PLAAT5: variants seen among roughly 807,000 people sequenced by gnomAD.
PLAAT5 encodes the protein phospholipase A and acyltransferase 5.
A neutral mutation model predicts 27.8 loss-of-function variants in PLAAT5; 27 were observed. The observed-to-expected ratio is 0.97, with a 90% CI of 0.72 to 1.34. The LOEUF (loss-of-function observed/expected upper bound fraction) is 1.34. Among genes scored for constraint, PLAAT5 ranks in the 40% most tolerant of loss-of-function variants. The pLI, the probability that PLAAT5 is intolerant of heterozygous loss-of-function variation, is 0.00. For synonymous variants in PLAAT5, 125 were observed against 136.1 expected, an observed-to-expected ratio of 0.92 and a Z score of 0.57; for missense variants, 368 against 343.8, an observed-to-expected ratio of 1.07 and a Z score of -0.56.
intron 3 of PLAAT5, among the ~76,000 whole-genome samples, chr11:63,477,567 C>A (rs1187736278): frequency 6.6e-6 from 1 of 151,192 alleles, no homozygotes; most frequent in Non-Finnish European, 1.5e-5. Context: ...CCTCCGCCTT[C>A]CAGGTTCAAA....
At chr11:63,477,349 G>A (rs963618363) in intron 3 of PLAAT5, among the ~76,000 whole-genome samples, 10 of 152,132 alleles carry the variant, frequency 6.6e-5, no homozygotes, top group Admixed American at 2.0e-4. Context: ...CAGGGCGGAC[G>A]GTTGTTGCTG....
chr11:63,488,977 CT>C lies in PLAAT5; in HGVS notation c.240-2del. ...CTCCAAGCTAACTACAGCCTTCTCC[CT>C]AAATGATTTTGCAATCACAAAGTTA... On this transcript the variant is annotated splice_acceptor_variant, in intron 2 of 5. Coordinates refer to ENST00000540857, the MANE Select transcript of PLAAT5 (RefSeq NM_001146729.2). LOFTEE classifies it high-confidence loss of function. The C allele has an allele frequency of 6.2e-7, 1 of 1,600,672 alleles. No homozygotes were observed. The highest frequency in any genetic ancestry group is 8.5e-7 in the Non-Finnish European group (1 of 1,169,930).
At chr11:63,484,224 T>C (rs1469433376) in intron 3 of PLAAT5, among the ~76,000 whole-genome samples, 2 of 149,146 alleles carry the variant, frequency 1.3e-5, no homozygotes, top group African/African-American at 2.5e-5. Context: ...ATTCAAAGCA[T>C]TGATATCAAT....
chr11:63,483,863 C>CAA lies in PLAAT5; in HGVS notation c.345+5006_345+5007dup, dbSNP rs1461836537. ...TATATACACATATATATATATGAAA[C>CAA]AAAAAGCTGGTTCTTTGAAAAGATA... On this transcript the variant is annotated intron_variant, in intron 3 of 5. Transcript: ENST00000540857. Among the ~76,000 whole-genome samples, 506 of 63,920 alleles carry CAA rather than the reference C, an allele frequency of 7.9e-3. 3 individuals are homozygous for CAA. Among genetic ancestry groups the CAA allele is most frequent in the African/African-American group, 0.019 (455 of 24,118 alleles). The allele number at this position is 63,920 out of a possible 152,430, so 41.9% of individuals were successfully genotyped here.
chr11:63,468,270 AGT>A (rs2120227426), intron 4 of PLAAT5, 85 bp downstream of exon 4: 1 of 970,964 alleles, frequency 1.0e-6, no homozygotes, highest in East Asian at 2.4e-5. Flanking sequence ...AAAGAATGGC[AGT>A]AACTGAGGAA....
At chr11:63,468,619 A>G (rs1021702272) in intron 3 of PLAAT5, among the ~76,000 whole-genome samples, 154 bp from the exon 4 acceptor site, 3 of 152,138 alleles carry the variant, frequency 2.0e-5, no homozygotes, top group African/African-American at 7.2e-5. Flanking sequence ...CACACTGAGG[A>G]CCAAAGAAGT....
chr11:63,477,173 T>C (rs899381102), intron 3 of PLAAT5, among the ~76,000 whole-genome samples: 3 of 152,224 alleles, frequency 2.0e-5, no homozygotes, highest in Non-Finnish European at 2.9e-5. Flanking sequence ...AAGTATTTGC[T>C]ACATGCAACA....
At chr11:63,487,981 C>G (rs1432332999) in intron 3 of PLAAT5, among the ~76,000 whole-genome samples, 1 of 151,922 alleles carries the variant, frequency 6.6e-6, no homozygotes, top group East Asian at 1.9e-4. Context: ...CCGTCTCTAC[C>G]AAAAATACAA....
At chr11:63,484,205 C>CA (rs2120328675) in intron 3 of PLAAT5, among the ~76,000 whole-genome samples, 1 of 150,004 alleles carries the variant, frequency 6.7e-6, no homozygotes, top group East Asian at 2.0e-4. Context: ...CAGCTGAATT[C>CA]TATCAGGCAT....
chr11:63,486,119 A>T (rs770047527), intron 3 of PLAAT5, among the ~76,000 whole-genome samples: 2 of 152,066 alleles, frequency 1.3e-5, no homozygotes, highest in Non-Finnish European at 2.9e-5. Context: ...TAACTTAAAA[A>T]TAAAAAAAAT....
intron 4 of PLAAT5, among the ~76,000 whole-genome samples, chr11:63,466,790 C>T (rs894141123): frequency 2.0e-5 from 3 of 152,138 alleles, no homozygotes; most frequent in African/African-American, 7.2e-5. Context: ...ATGGTGGTTC[C>T]ATGTCACGCC....
chr11:63,483,784 AAT>A lies in PLAAT5; in HGVS notation c.345+5085_345+5086del, dbSNP rs56345803. ...GTAAATGAAATTGAAGCAAAAAAAA[AAT>A]ATATATATATATATGTATATATATA... On this transcript the variant is annotated intron_variant, in intron 3 of 5. Coordinates refer to ENST00000540857, the MANE Select transcript of PLAAT5 (RefSeq NM_001146729.2). Among the ~76,000 whole-genome samples the A allele has an allele frequency of 4.0e-3, 263 of 65,630 alleles. 2 individuals are homozygous for A. The highest frequency in any genetic ancestry group is 0.02 in the African/African-American group (208 of 10,196). 43.1% of individuals were successfully genotyped at this position (65,630 alleles called of 152,430 possible). A position where few individuals can be genotyped will look rare whatever the true frequency, so the allele number is the denominator to read the frequency against.
intron 4 of PLAAT5, 134 bp from the exon 5 acceptor site, chr11:63,466,506 A>G (rs2015871204): frequency 1.1e-6 from 1 of 899,082 alleles, no homozygotes; most frequent in Non-Finnish European, 1.6e-6. Flanking sequence ...GAAGAGGGGA[A>G]GTTGGAATCA....
rs1236182136 is a variant in PLAAT5, at chr11:63,490,791, C to T, written c.148+96G>A. ...TGATGGCTAACAGACAACACAATCG[C>T]CAAATGTCTTAAGAAAAGGAGCTTT... On this transcript the variant is annotated intron_variant, in intron 1 of 5. Transcript: ENST00000540857. The T allele has an allele frequency of 3.5e-6, 4 of 1,151,596 alleles. No individual in the cohort carries two copies. The Admixed American group carries it at 8.1e-5, about 23-fold the overall frequency. The allele number at this position is 1,151,596 out of a possible 1,614,324, so 71.3% of individuals were successfully genotyped here.
At position 63,490,285 on chromosome 11, in the gene PLAAT5, G is replaced by A; in HGVS notation, c.197C>T (p.Pro66Leu). Residue 66 changes from proline (P) to leucine (L), a missense_variant, in exon 2 of 6, where the codon CCT (proline) becomes CTT (leucine). Pro to Leu is a moderately conservative substitution (Grantham distance 98, BLOSUM62 -3). Transcript: ENST00000540857. ...AALVQLPAKQ[P>L]PPGTLEQGRS... ...GCCCTGTTCTAATGTGCCCGGCGGA[G>A]GCTGCTTGGCTGGGAGCTGGACCAA... 1 of 1,614,188 alleles carries A rather than the reference G, an allele frequency of 6.2e-7. No individual in the cohort carries two copies. Among genetic ancestry groups the A allele is most frequent in the Non-Finnish European group, 8.5e-7 (1 of 1,180,036 alleles).
intron 3 of PLAAT5, among the ~76,000 whole-genome samples, chr11:63,487,709 T>C (rs1460131926): frequency 6.6e-6 from 1 of 152,224 alleles, no homozygotes; most frequent in Admixed American, 6.5e-5. Flanking sequence ...AGATTTGTGA[T>C]AGTCAAAAAC....
At chr11:63,477,393 C>T (rs1270469710) in intron 3 of PLAAT5, among the ~76,000 whole-genome samples, 1 of 152,162 alleles carries the variant, frequency 6.6e-6, no homozygotes, top group African/African-American at 2.4e-5. Flanking sequence ...TTTAGTGACC[C>T]ACCTGGACTG....
At chr11:63,469,241 T>G (rs907424833) in intron 3 of PLAAT5, 3 of 169,542 alleles carry the variant, frequency 1.8e-5, no homozygotes, top group Admixed American at 6.3e-5. Context: ...TAAAAAATAT[T>G]TGACCAGAGC....
intron 3 of PLAAT5, among the ~76,000 whole-genome samples, chr11:63,481,895 A>G (rs2016294795): frequency 6.6e-6 from 1 of 152,122 alleles, no homozygotes; most frequent in Non-Finnish European, 1.5e-5. Context: ...ATCACACACC[A>G]GGGACTGTTG....
Sources: allele counts gnomAD v4.1 joint callset (sites outside exome capture counted in the v4.1 genomes callset), GRCh38; gene constraint gnomAD v4.1.1; transcripts MANE v1.5; gene names NCBI Gene and HGNC (gene_info 2026-07-23, HGNC 2026-07-21).